The following TBL3 variants were observed in gnomAD, a reference collection of about 807,000 sequenced individuals.
TBL3 encodes the protein transducin beta-like protein 3.
A neutral mutation model predicts 102.7 loss-of-function variants in TBL3; 71 were observed. The ratio of observed to expected loss-of-function variants is 0.69; its 90% confidence interval spans 0.57 to 0.84. The LOEUF (loss-of-function observed/expected upper bound fraction) is 0.84, where lower values mean the gene tolerates loss of function less well. Ranked by LOEUF, TBL3 falls within the 40% of genes least tolerant of loss-of-function variation. The probability of loss-of-function intolerance (pLI) is 0.00; values close to 1 mark genes in which losing one functional copy is unlikely to be tolerated. For missense variants in TBL3, 1,188 were observed against 1,098.5 expected, an observed-to-expected ratio of 1.08 and a Z score of -1.15; for synonymous variants, 578 against 477.7, an observed-to-expected ratio of 1.21 and a Z score of -2.74.
Position 1,979,185 on chromosome 16 carries a change from G to A in TBL3, c.*500G>A, listed in dbSNP as rs1185772524. 3 of 1,459,692 alleles carry A rather than the reference G, an allele frequency of 2.1e-6. No individual in the cohort carries two copies. The South Asian group carries it at 4.1e-5, about 20-fold the overall frequency. The allele number at this position is 1,459,692 out of a possible 1,614,324, so 90.4% of individuals were successfully genotyped here. ...CTGGATGGCGCCCGGCGAAGGTCGG[G>A]TGGGCACGGTGGGGGGAGGGGCGGT... On this transcript the variant is annotated 3_prime_UTR_variant, in exon 22 of 22. Coordinates refer to ENST00000568546, the MANE Select transcript of TBL3 (RefSeq NM_006453.3).
At position 1,979,563 on chromosome 16, in the gene TBL3, G is replaced by T; in HGVS notation, c.*878G>T. 6.3e-7 allele frequency: 1 copy of T among 1,586,566 alleles called. No individual in the cohort carries two copies. The highest frequency in any genetic ancestry group is 8.6e-7 in the Non-Finnish European group (1 of 1,160,186). ...GGGACCTGGTGGGAGTGGGTGTTTG[G>T]AGTCACCGCGGGGCCACAGAGGACG... is the stretch of plus-strand genomic sequence containing the variant. On this transcript the variant is annotated 3_prime_UTR_variant, in exon 22 of 22. Transcript: ENST00000568546.
Position 1,980,993 on chromosome 16 carries a change from T to G in TBL3, c.*2308T>G. 5 of 1,613,262 alleles carry G rather than the reference T, an allele frequency of 3.1e-6. No individual in the cohort carries two copies. Among genetic ancestry groups the G allele is most frequent in the Non-Finnish European group, 4.2e-6 (5 of 1,180,002 alleles). On this transcript the variant is annotated 3_prime_UTR_variant, in exon 22 of 22. Coordinates refer to ENST00000568546, the MANE Select transcript of TBL3 (RefSeq NM_006453.3). ...TGCGCACGAAGGTGTCGCTGCCGTC[T>G]GACCAGCGCACAGAGAAGGCAAACG...
rs200627670 is a variant in TBL3 at position 1,978,202 on chromosome 16, C to A, written c.2116C>A (p.Leu706Met). 1.9e-6 allele frequency: 3 copies of A among 1,612,826 alleles called. No homozygotes were observed. Among genetic ancestry groups the A allele is most frequent in the Middle Eastern group, 3.3e-4 (2 of 6,062 alleles). ...GAAGCTGGAAGCCACCATGCTCCGA[C>A]TGCGGCGCGACCAGAAAGGTTGGCG... Reference protein sequence around the residue: ...CEKLEATMLRLRRDQKEALLR... With the variant: ...CEKLEATMLRMRRDQKEALLR... Residue 706 changes from leucine to methionine, a missense_variant, in exon 20 of 22, where the codon CTG (leucine) becomes ATG (methionine). By Grantham distance (15) the Leu-to-Met change is conservative. Coordinates refer to ENST00000568546, the MANE Select transcript of TBL3 (RefSeq NM_006453.3).
chr16:1,979,326 A>G lies in TBL3; in HGVS notation c.*641A>G, dbSNP rs1044381976. 2 of 1,574,082 alleles carry G rather than the reference A, an allele frequency of 1.3e-6. No homozygotes were observed. Among genetic ancestry groups the G allele is most frequent in the African/African-American group, 1.4e-5 (1 of 73,808 alleles). On this transcript the variant is annotated 3_prime_UTR_variant, in exon 22 of 22. Transcript: ENST00000568546. ...TTCCGGCCGCAGCAGCACCGCGGGG[A>G]GTAGGCCCGCCCGGTCGCCGTACCT...
Position 1,980,902 on chromosome 16 carries a change from C to T in TBL3, c.*2217C>T, listed in dbSNP as rs750725997. 5 of 1,579,850 alleles carry T rather than the reference C, an allele frequency of 3.2e-6. No individual in the cohort carries two copies. Among genetic ancestry groups the T allele is most frequent in the Middle Eastern group, 3.3e-4 (2 of 5,990 alleles). ...GTGGGAGGCAGCCGCGTGGGGAAGCCGCCACCGCGGCATCAGGGTGGCCCA... is the reference window on the plus strand; with the variant it reads ...GTGGGAGGCAGCCGCGTGGGGAAGCTGCCACCGCGGCATCAGGGTGGCCCA... On this transcript the variant is annotated 3_prime_UTR_variant, in exon 22 of 22. Transcript: ENST00000568546.
At position 1,975,082 on chromosome 16, in the gene TBL3, G is replaced by A. The variant is rs1293169462; in HGVS notation, c.619G>A (p.Gly207Ser). ...CACCTCACTGGCCTTCAGCGCCGAC[G>A]GCCACACCATGCTCAGGTCAGCAGT... The part of the protein sequence containing the change: ...AVTSLAFSAD[G>S]HTMLSSGRDK... The change falls in exon 7 of 22, where the codon GGC becomes AGC. Residue 207 changes from glycine to serine, a missense_variant. Gly to Ser is a moderately conservative substitution (Grantham distance 56, BLOSUM62 0). Coordinates refer to ENST00000568546, the MANE Select transcript of TBL3 (RefSeq NM_006453.3). 1.6e-5 allele frequency: 26 copies of A among 1,610,586 alleles called. No individual in the cohort carries two copies. Among genetic ancestry groups the A allele is most frequent in the South Asian group, 7.7e-5 (7 of 91,080 alleles).
In TBL3 at chr16:1,979,938, G is replaced by C. The variant is rs1352521687; in HGVS notation, c.*1253G>C. 15 of 1,576,406 alleles carry C rather than the reference G, an allele frequency of 9.5e-6. 1 individual carries two copies. The Admixed American group carries it at 1.6e-4, about 17-fold the overall frequency. On this transcript the variant is annotated 3_prime_UTR_variant, in exon 22 of 22. Transcript: ENST00000568546. ...AGAAGCGGGCAGGGACTCAAATCTC[G>C]AGGCTCCCTCGGGTCCAGGAGCAGA...
At position 1,980,554 on chromosome 16, in the gene TBL3, C is replaced by A. The variant is rs1457407808; in HGVS notation, c.*1869C>A. 1 of 1,599,212 alleles carries A rather than the reference C, an allele frequency of 6.3e-7. No homozygotes were observed. The highest frequency in any genetic ancestry group is 8.5e-7 in the Non-Finnish European group (1 of 1,173,480). On this transcript the variant is annotated 3_prime_UTR_variant, in exon 22 of 22. Transcript: ENST00000568546. ...CCCAACAGTGGTGCATCTTAAGGCACCACAAAAACGTACTGTGATACGCCG... is the reference window on the plus strand; with the variant it reads ...CCCAACAGTGGTGCATCTTAAGGCAACACAAAAACGTACTGTGATACGCCG...
In TBL3 at chr16:1,978,432, G is replaced by A. The variant is rs1447788017; in HGVS notation, c.2254G>A (p.Gly752Ser). The change falls in exon 21 of 22, where the codon GGC becomes AGC. Residue 752 changes from glycine to serine, a missense_variant. Transcript: ENST00000568546. ...CCCCGAGGAGCTGCTGGCCTACGAA[G>A]GCGTGCGGGCAGCGCTTGAGGCCCT... ...EAPEELLAYE[G>S]VRAALEALLP... The A allele has an allele frequency of 6.8e-6, 11 of 1,610,196 alleles. No homozygotes were observed. The South Asian group carries it at 9.9e-5, about 15-fold the overall frequency.
chr16:1,978,590 G>T lies in TBL3; in HGVS notation c.2332G>T (p.Ala778Ser), dbSNP rs752184023. The change falls in exon 22 of 22, where the codon GCC becomes TCC. Residue 778 changes from alanine (A) to serine (S), a missense_variant. Ala to Ser is a moderately conservative substitution (Grantham distance 99). Transcript: ENST00000568546. ...FQRLSRTLQA[A>S]AFLDFLWHNM... The stretch of plus-strand genomic sequence containing the variant: ...GCGGCTCAGCAGGACCCTCCAGGCC[G>T]CCGCTTTCTTGGACTTCCTGTGGCA... 1.2e-6 allele frequency: 2 copies of T among 1,612,680 alleles called. No individual in the cohort carries two copies. The highest frequency in any genetic ancestry group is 8.5e-7 in the Non-Finnish European group (1 of 1,179,824).
rs1349470079 is a variant in TBL3, at chr16:1,973,954, A to G, written c.42-102A>G. 2.4e-6 allele frequency: 3 copies of G among 1,273,528 alleles called. No homozygotes were observed. In the South Asian group the frequency reaches 5.2e-5, roughly 22 times the overall value. 78.9% of individuals were successfully genotyped at this position (1,273,528 alleles called of 1,614,324 possible). A position where few individuals can be genotyped will look rare whatever the true frequency, so the allele number is the denominator to read the frequency against. Reference sequence around the variant, plus strand: ...TGCTGTTGCCCAGAAACTCAAGGGCAGGGGCCATTGGGGTCACTTGGAGAG... The same window carrying G: ...TGCTGTTGCCCAGAAACTCAAGGGCGGGGGCCATTGGGGTCACTTGGAGAG... On this transcript the variant is annotated intron_variant, in intron 1 of 21. Transcript: ENST00000568546.
In TBL3 at chr16:1,980,998, A is replaced by G. The variant is rs1432790729; in HGVS notation, c.*2313A>G. 3.1e-6 allele frequency: 5 copies of G among 1,613,154 alleles called. No homozygotes were observed. The highest frequency in any genetic ancestry group is 4.2e-6 in the Non-Finnish European group (5 of 1,180,014). On this transcript the variant is annotated 3_prime_UTR_variant, in exon 22 of 22. Coordinates refer to ENST00000568546, the MANE Select transcript of TBL3 (RefSeq NM_006453.3). ...ACGAAGGTGTCGCTGCCGTCTGACC[A>G]GCGCACAGAGAAGGCAAACGTCTGG... is the stretch of plus-strand genomic sequence containing the variant.
chr16:1,972,609 A>T (rs536524284), intron 1 of TBL3, among the ~76,000 whole-genome samples: 1 of 152,300 alleles, frequency 6.6e-6, no homozygotes, highest in East Asian at 1.9e-4. Flanking sequence ...GGGAGCAGGG[A>T]GAATGCAGGA....
At position 1,977,730 on chromosome 16, in the gene TBL3, G is replaced by T; in HGVS notation, c.1900-12G>T. The T allele has an allele frequency of 3.2e-6, 5 of 1,552,822 alleles. No individual in the cohort carries two copies. Among genetic ancestry groups the T allele is most frequent in the Non-Finnish European group, 4.4e-6 (5 of 1,147,636 alleles). On this transcript the variant is annotated splice_polypyrimidine_tract_variant and intron_variant, in intron 17 of 21. Transcript: ENST00000568546. Reference sequence around the variant, plus strand: ...GGAGTGGAGGCCCCATCTGACCCTAGTCTAACCCCAGGATGTGACCGAGGC... The same window carrying T: ...GGAGTGGAGGCCCCATCTGACCCTATTCTAACCCCAGGATGTGACCGAGGC...
chr16:1,979,743 A>G lies in TBL3; in HGVS notation c.*1058A>G. The G allele has an allele frequency of 7.1e-7, 1 of 1,407,568 alleles. No homozygotes were observed. The allele number at this position is 1,407,568 out of a possible 1,614,324, so 87.2% of individuals were successfully genotyped here. A position where few individuals can be genotyped will look rare whatever the true frequency, so the allele number is the denominator to read the frequency against. ...GGTGCTTCTGGCCCAGTCTTGCCAC[A>G]CGGTCAAGCCGCAGTGGTGGCGTGA... On this transcript the variant is annotated 3_prime_UTR_variant, in exon 22 of 22. Coordinates refer to ENST00000568546, the MANE Select transcript of TBL3 (RefSeq NM_006453.3).
chr16:1,978,626 C>T lies in TBL3; in HGVS notation c.2368C>T (p.Leu790Phe), dbSNP rs576906966. The T allele has an allele frequency of 7.4e-6, 12 of 1,612,644 alleles. No individual in the cohort carries two copies. Among genetic ancestry groups the T allele is most frequent in the Non-Finnish European group, 1.0e-5 (12 of 1,179,874 alleles). Residue 790 changes from leucine to phenylalanine, a missense_variant, in exon 22 of 22, where the codon CTC becomes TTC. By Grantham distance (22) the Leu-to-Phe change is conservative. Coordinates refer to ENST00000568546, the MANE Select transcript of TBL3 (RefSeq NM_006453.3). The part of the protein sequence containing the change: ...FLDFLWHNMK[L>F]PVPAAAPTPW... ...GGACTTCCTGTGGCACAACATGAAGCTCCCTGTGCCGGCCGCCGCCCCCAC... is the reference window on the plus strand; with the variant it reads ...GGACTTCCTGTGGCACAACATGAAGTTCCCTGTGCCGGCCGCCGCCCCCAC...
Position 1,980,415 on chromosome 16 carries a change from A to C in TBL3, c.*1730A>C. 2 of 1,603,002 alleles carry C rather than the reference A, an allele frequency of 1.2e-6. No individual in the cohort carries two copies. The highest frequency in any genetic ancestry group is 1.7e-6 in the Non-Finnish European group (2 of 1,179,824). On this transcript the variant is annotated 3_prime_UTR_variant, in exon 22 of 22. Coordinates refer to ENST00000568546, the MANE Select transcript of TBL3 (RefSeq NM_006453.3). ...CAGGTCCAGGGGTTGCGGTGCGAAG[A>C]AGCCAGTGATCGTCGGGCTCCGTGC...
chr16:1,974,567 G>A lies in TBL3; in HGVS notation c.267G>A (p.Leu89=). 6.2e-7 allele frequency: 1 copy of A among 1,610,398 alleles called. No homozygotes were observed. Among genetic ancestry groups the A allele is most frequent in the Non-Finnish European group, 8.5e-7 (1 of 1,177,794 alleles). Residue 89 remains leucine (L), a synonymous_variant, in exon 5 of 22, where the codon CTG becomes CTA. Transcript: ENST00000568546. ...EVLVTASRAL[L]LAQWAWQEGS... ...TGGTGACAGCCAGTCGGGCATTGCT[G>A]CTGGCTCAGTGGGCCTGGCAAGAGG...
In TBL3 at chr16:1,977,439, G is replaced by A; in HGVS notation, c.1742+13G>A. ...AGCTGCTGTCCAGGTGAGTGGGCTGGGGTGGGGCAGCGATGGAGTGGGGGG... is the reference window on the plus strand; with the variant it reads ...AGCTGCTGTCCAGGTGAGTGGGCTGAGGTGGGGCAGCGATGGAGTGGGGGG... On this transcript the variant is annotated intron_variant, in intron 16 of 21. Coordinates refer to ENST00000568546, the MANE Select transcript of TBL3 (RefSeq NM_006453.3). 6.2e-7 allele frequency: 1 copy of A among 1,612,566 alleles called. No individual in the cohort carries two copies. The highest frequency in any genetic ancestry group is 8.5e-7 in the Non-Finnish European group (1 of 1,179,944).
Sources: gnomAD v4.1 joint callset for allele counts (sites outside exome capture counted in the v4.1 genomes callset) on GRCh38, gnomAD v4.1.1 for gene constraint, MANE v1.5 for transcripts, NCBI Gene and HGNC (gene_info 2026-07-23, HGNC 2026-07-21) for gene names.